LMNB2: variants seen among roughly 807,000 people sequenced by gnomAD.
LMNB2 encodes the protein lamin-B2.
In LMNB2, 17 loss-of-function variants were observed where a neutral mutation model predicts 69.3. The ratio of observed to expected loss-of-function variants is 0.25; its 90% CI spans 0.17 to 0.37. The LOEUF is 0.37. Among genes scored for constraint, LMNB2 ranks in the 10% least tolerant of loss-of-function variants. The pLI is 1.00. For missense variants in LMNB2, 789 were observed against 883.6 expected (o/e 0.89, Z 1.36); for synonymous variants, 397 against 389.3 (o/e 1.02, Z -0.23).
At chr19:2,449,577 C>T (rs1048941570) in intron 1 of LMNB2, among the ~76,000 whole-genome samples, 1 of 151,914 alleles carries the variant, frequency 6.6e-6, no homozygotes, top group Non-Finnish European at 1.5e-5. Flanking sequence ...GTCAGCAGTT[C>T]GAGACCAGCC....
rs552075285 is a variant in LMNB2, at chr19:2,440,667, ATCCATCCATCCT to A, written c.402-2148_402-2137del. On this transcript the variant is annotated intron_variant, in intron 2 of 11. Transcript: ENST00000325327. ...CATCCATCATCTATCCATCATCTCC[ATCCATCCATCCT>A]TCCATCCATCCCTCAATCATCTATC... 2.1e-3 allele frequency among the ~76,000 whole-genome samples: 317 copies of A among 148,720 alleles called. 1 individual carries two copies. Among genetic ancestry groups the A allele is most frequent in the African/African-American group, 7.7e-3 (307 of 39,894 alleles).
In LMNB2 at chr19:2,453,020, A is replaced by G. The variant is rs539469669; in HGVS notation, c.264+3650T>C. Among the ~76,000 whole-genome samples the G allele has an allele frequency of 5.7e-5, 4 of 69,972 alleles. No individual in the cohort carries two copies. Among genetic ancestry groups the G allele is most frequent in the African/African-American group, 2.1e-4 (4 of 18,622 alleles). 45.9% of individuals were successfully genotyped at this position (69,972 alleles called of 152,430 possible). A position where few individuals can be genotyped will look rare whatever the true frequency, so the allele number is the denominator to read the frequency against. ...GGGTCATCCTAATGGGGGCTGGGTC[A>G]TCCTCGTGGGGGCTGGGTCATCCTC... On this transcript the variant is annotated intron_variant, in intron 1 of 11. Coordinates refer to ENST00000325327, the MANE Select transcript of LMNB2 (RefSeq NM_032737.4). The surrounding 1 kb of genome is among the most constrained non-coding windows in gnomAD (Gnocchi z 4.4).
chr19:2,444,298 G>C, intron 2 of LMNB2, 106 bp downstream of exon 2: 1 of 1,336,484 alleles, frequency 7.5e-7, no homozygotes, highest in South Asian at 1.2e-5. Context: ...GCTCCAGGCT[G>C]TGCCCGTATC....
rs905156675 is a variant in LMNB2 at position 2,453,574 on chromosome 19, G to A, written c.264+3096C>T. Reference sequence around the variant, plus strand: ...CCCCTGCCACATGCCCTGCAGACACGGCTGGGTGACAGGGCTCACGGAGGG... The same window carrying A: ...CCCCTGCCACATGCCCTGCAGACACAGCTGGGTGACAGGGCTCACGGAGGG... On this transcript the variant is annotated intron_variant, in intron 1 of 11. Transcript: ENST00000325327. This position sits in a 1 kb window ranked among gnomAD's most constrained non-coding sequence, Gnocchi z 4.4. Among the ~76,000 whole-genome samples the A allele has an allele frequency of 1.3e-5, 2 of 152,128 alleles. No homozygotes were observed. Among genetic ancestry groups the A allele is most frequent in the Admixed American group, 6.5e-5 (1 of 15,268 alleles).
At chr19:2,433,729 CT>C in intron 8 of LMNB2, 96 bp downstream of exon 8, 1 of 1,461,666 alleles carries the variant, frequency 6.8e-7, no homozygotes. Context: ...ACCTTGTCCC[CT>C]GCCTCGCATT....
chr19:2,456,866 G>T lies in LMNB2; in HGVS notation c.68C>A (p.Thr23Lys). 3.5e-6 allele frequency: 4 copies of T among 1,152,394 alleles called. No homozygotes were observed. The highest frequency in any genetic ancestry group is 4.3e-6 in the Non-Finnish European group (4 of 937,524). 71.4% of individuals were successfully genotyped at this position (1,152,394 alleles called of 1,614,324 possible). A position where few individuals can be genotyped will look rare whatever the true frequency, so the allele number is the denominator to read the frequency against. The change falls in exon 1 of 12, where the codon ACG becomes AAG. Residue 23 changes from threonine (T) to lysine (K), a missense_variant. Thr to Lys is a moderately conservative substitution (Grantham distance 78). This residue lies in a region of LMNB2 where 145 missense variants were observed against 228.9 expected (regional missense o/e 0.63). Coordinates refer to ENST00000325327, the MANE Select transcript of LMNB2 (RefSeq NM_032737.4). ...RRPRAAATMA[T>K]PLPGRAGGPA... is the part of the protein sequence containing the mutation. Reference sequence around the variant, plus strand: ...CCCGCCCGCGCGGCCGGGCAGCGGCGTGGCCATGGTGGCGGCGGCTCGCGG... The same window carrying T: ...CCCGCCCGCGCGGCCGGGCAGCGGCTTGGCCATGGTGGCGGCGGCTCGCGG...
intron 4 of LMNB2, chr19:2,437,005 G>C (rs1434158454): frequency 6.6e-6 from 1 of 152,546 alleles, no homozygotes; most frequent in Admixed American, 6.5e-5. Flanking sequence ...TTTCCCCACA[G>C]GCCCCTTCAC....
At chr19:2,439,173 C>T (rs897469031) in intron 2 of LMNB2, among the ~76,000 whole-genome samples, 3 of 151,428 alleles carry the variant, frequency 2.0e-5, no homozygotes, top group East Asian at 1.9e-4. Context: ...TGCGAGCCAC[C>T]GCGTACGGCT....
rs1277490035 is a variant in LMNB2 at position 2,429,694 on chromosome 19, C to T, written c.*1217G>A. On this transcript the variant is annotated 3_prime_UTR_variant, in exon 12 of 12. Coordinates refer to ENST00000325327, the MANE Select transcript of LMNB2 (RefSeq NM_032737.4). ...CTGCCGTCGGAGGGTGCCCCAGCCC[C>T]ACGCCACCCCGGGGAGGAGGGTCAG... 2.6e-5 allele frequency: 4 copies of T among 152,460 alleles called. No homozygotes were observed. Among genetic ancestry groups the T allele is most frequent in the African/African-American group, 9.6e-5 (4 of 41,454 alleles). The allele number at this position is 152,460 out of a possible 1,614,324, so 9.4% of individuals were successfully genotyped here.
In LMNB2 at chr19:2,444,463, A is replaced by G. The variant is rs771838704; in HGVS notation, c.342T>C (p.Arg114=). The G allele has an allele frequency of 1.6e-5, 26 of 1,613,480 alleles. 1 individual carries two copies. The Admixed American group carries it at 2.5e-4, about 16-fold the overall frequency. ...TCCCAATCTCTATCTGCAGCCGGGC[A>G]CGCTCTCGAGCCGTCTCATCCAGGA... The part of the protein sequence containing the change: ...RRVLDETARE[R]ARLQIEIGKL... Residue 114 remains arginine, a synonymous_variant, in exon 2 of 12, where the codon CGT becomes CGC. Coordinates refer to ENST00000325327, the MANE Select transcript of LMNB2 (RefSeq NM_032737.4).
chr19:2,449,146 C>G (rs546062150), intron 1 of LMNB2, among the ~76,000 whole-genome samples: 1 of 152,322 alleles, frequency 6.6e-6, no homozygotes, highest in South Asian at 2.1e-4. Context: ...ATCTGCCTGC[C>G]CCAGCCTCCC....
At chr19:2,436,854 GGGCCCCTCCAGGGCCTCTTCCC>G (rs1971832186) in intron 4 of LMNB2, 1 of 152,762 alleles carries the variant, frequency 6.5e-6, no homozygotes, top group Non-Finnish European at 1.5e-5. Flanking sequence ...CTCCCTGTGA[GGGCCCCTCCAGGGCCTCTTCCC>G]GGCCCCTGCA....
chr19:2,431,699 C>G (rs1213292153), intron 10 of LMNB2, 41 bp from the exon 11 acceptor site: 1 of 1,613,918 alleles, frequency 6.2e-7, no homozygotes, highest in South Asian at 1.1e-5. Flanking sequence ...CGGGATCGGG[C>G]CCAGAGCTGC....
intron 2 of LMNB2, among the ~76,000 whole-genome samples, chr19:2,442,293 AAAT>A (rs1368874914): frequency 6.6e-6 from 1 of 152,024 alleles, no homozygotes; most frequent in African/African-American, 2.4e-5. Flanking sequence ...TCATCTCTAC[AAAT>A]AATAAAAAAA....
chr19:2,432,019 G>C, intron 9 of LMNB2, 117 bp from the exon 10 acceptor site: 5 of 1,324,074 alleles, frequency 3.8e-6, no homozygotes, highest in Non-Finnish European at 5.2e-6. Context: ...AGTCCTTCCA[G>C]CCCGACGCAG....
chr19:2,432,583 GCCCTGGCTGGTGGCCCCATCA>G (rs1971755725), intron 8 of LMNB2, 60 bp from the exon 9 acceptor site: 2 of 1,400,524 alleles, frequency 1.4e-6, no homozygotes, highest in Admixed American at 1.7e-5. Flanking sequence ...CGCCCCCATC[GCCCTGGCTGGTGGCCCCATCA>G]CCCTGACCCT....
rs530850067 is a variant in LMNB2, at chr19:2,443,484, C to G, written c.401+920G>C. 6.0e-5 allele frequency among the ~76,000 whole-genome samples: 9 copies of G among 150,074 alleles called. No individual in the cohort carries two copies. Among genetic ancestry groups the G allele is most frequent in the African/African-American group, 2.2e-4 (9 of 40,566 alleles). Reference sequence around the variant, plus strand: ...CCACTGGCTGCTGTCACCCCCGTACCAGGTGGCCGAGGTGCCACCCCTCCT... The same window carrying G: ...CCACTGGCTGCTGTCACCCCCGTACGAGGTGGCCGAGGTGCCACCCCTCCT... On this transcript the variant is annotated intron_variant, in intron 2 of 11. Coordinates refer to ENST00000325327, the MANE Select transcript of LMNB2 (RefSeq NM_032737.4). The surrounding 1 kb of genome is among the most constrained non-coding windows in gnomAD (Gnocchi z 6.2).
intron 11 of LMNB2, 134 bp downstream of exon 11, chr19:2,431,414 G>C: frequency 8.7e-7 from 1 of 1,150,558 alleles, no homozygotes; most frequent in Non-Finnish European, 1.3e-6. Context: ...GCCAAGGCTG[G>C]CTTCACCCTG....
intron 1 of LMNB2, among the ~76,000 whole-genome samples, chr19:2,449,471 A>C (rs1971995315): frequency 1.3e-5 from 2 of 152,212 alleles, no homozygotes; most frequent in South Asian, 4.1e-4. Context: ...TTTTGAATTA[A>C]TTGATTTTTA....
Sources: allele counts gnomAD v4.1 joint callset (sites outside exome capture counted in the v4.1 genomes callset), GRCh38; gene constraint gnomAD v4.1.1; regional missense constraint gnomAD v4.1.1; non-coding constraint Gnocchi (gnomAD v3.1); transcripts MANE v1.5; gene names NCBI Gene and HGNC (gene_info 2026-07-23, HGNC 2026-07-21).